The following RANBP9 variants were observed in gnomAD, a reference collection of about 807,000 sequenced individuals.
RANBP9 encodes ran-binding protein 9.
A neutral mutation model predicts 84.3 loss-of-function variants in RANBP9; 15 were observed. That is an observed-to-expected ratio of 0.18 (90% confidence interval 0.12 to 0.27). The LOEUF (loss-of-function observed/expected upper bound fraction) is 0.27, where lower values mean the gene tolerates loss of function less well. RANBP9 is among the 10% of genes least tolerant of loss of function. The pLI is 1.00. For missense variants in RANBP9, 809 were observed against 912.8 expected (o/e 0.89, Z 1.46); for synonymous variants, 392 against 349.6 (o/e 1.12, Z -1.35).
At chr6:13,683,234 T>C (rs1052032727) in intron 2 of RANBP9, among the ~76,000 whole-genome samples, 1 of 152,202 alleles carries the variant, frequency 6.6e-6, no homozygotes, top group Admixed American at 6.5e-5. Flanking sequence ...TTTCTCCTTA[T>C]CTTGGAATGT....
intron 2 of RANBP9, among the ~76,000 whole-genome samples, chr6:13,689,020 C>T (rs1056681760): frequency 4.5e-5 from 6 of 133,256 alleles, no homozygotes; most frequent in East Asian, 2.1e-4. Context: ...GGCATGGTGA[C>T]GCACACCCAT....
At chr6:13,629,282 A>G (rs1764710429) in intron 12 of RANBP9, among the ~76,000 whole-genome samples, 1 of 152,168 alleles carries the variant, frequency 6.6e-6, no homozygotes. Context: ...AGCCTCGTGT[A>G]GTTATTTAAA....
At chr6:13,710,569 C>T (rs1448895723) in intron 1 of RANBP9, among the ~76,000 whole-genome samples, 1 of 152,148 alleles carries the variant, frequency 6.6e-6, no homozygotes, top group Non-Finnish European at 1.5e-5. Context: ...AACAATGTAA[C>T]CCAACTCCGA....
At chr6:13,668,992 A>T (rs1201671355) in intron 2 of RANBP9, among the ~76,000 whole-genome samples, 1 of 152,078 alleles carries the variant, frequency 6.6e-6, no homozygotes, top group Admixed American at 6.6e-5. Flanking sequence ...ATCCTAAAGA[A>T]TCTCCTCCCC....
At chr6:13,634,394 AT>A in intron 11 of RANBP9, 36 bp downstream of exon 11, 1 of 1,600,860 alleles carries the variant, frequency 6.2e-7, no homozygotes, top group Non-Finnish European at 8.5e-7. Context: ...TGTAGCCATC[AT>A]TTTTTATTAA....
intron 2 of RANBP9, among the ~76,000 whole-genome samples, chr6:13,669,502 A>G (rs1481158018): frequency 6.6e-6 from 1 of 152,184 alleles, no homozygotes; most frequent in African/African-American, 2.4e-5. Flanking sequence ...TAACCAAGAG[A>G]ATGTGTTGCT....
intron 1 of RANBP9, among the ~76,000 whole-genome samples, chr6:13,710,619 C>T (rs1261121114): frequency 6.6e-6 from 1 of 152,208 alleles, no homozygotes; most frequent in African/African-American, 2.4e-5. Flanking sequence ...GATTTATCTC[C>T]CAGGGAAATC....
intron 2 of RANBP9, among the ~76,000 whole-genome samples, chr6:13,676,486 T>C (rs1765888258): frequency 6.6e-6 from 1 of 151,760 alleles, no homozygotes; most frequent in Admixed American, 6.6e-5. Flanking sequence ...CAAAACCAAA[T>C]AAAGACATTA....
intron 2 of RANBP9, among the ~76,000 whole-genome samples, chr6:13,684,641 T>G (rs1171980697): frequency 6.6e-6 from 1 of 152,208 alleles, no homozygotes; most frequent in African/African-American, 2.4e-5. Context: ...CTCTGATCAA[T>G]GAACATTTAC....
At chr6:13,657,086 C>A in intron 4 of RANBP9, 23 bp downstream of exon 4, 1 of 1,558,146 alleles carries the variant, frequency 6.4e-7, no homozygotes, top group Non-Finnish European at 8.7e-7. Context: ...GGTTATTTTG[C>A]ATGCAATATA....
intron 4 of RANBP9, among the ~76,000 whole-genome samples, chr6:13,655,430 G>A (rs1330490300): frequency 6.6e-6 from 1 of 152,086 alleles, no homozygotes; most frequent in Non-Finnish European, 1.5e-5. Flanking sequence ...TCACATCACT[G>A]TACTCCTGCC....
chr6:13,654,529 A>G (rs1210788841), intron 4 of RANBP9, among the ~76,000 whole-genome samples: 3 of 152,222 alleles, frequency 2.0e-5, no homozygotes, highest in Non-Finnish European at 4.4e-5. Flanking sequence ...TTATCCACTT[A>G]GGAAGTATAA....
chr6:13,630,534 T>A (rs1328782093), intron 12 of RANBP9, among the ~76,000 whole-genome samples: 1 of 143,330 alleles, frequency 7.0e-6, no homozygotes, highest in South Asian at 2.2e-4. Flanking sequence ...AAAAAAAAAA[T>A]TCTTTATTTC....
chr6:13,697,409 T>C (rs1346870570), intron 1 of RANBP9, among the ~76,000 whole-genome samples: 1 of 152,248 alleles, frequency 6.6e-6, no homozygotes, highest in Non-Finnish European at 1.5e-5. Context: ...TTTACAGTTT[T>C]GTTCTTTGGT....
intron 1 of RANBP9, among the ~76,000 whole-genome samples, chr6:13,708,596 T>C (rs1236841761): frequency 6.6e-6 from 1 of 152,228 alleles, no homozygotes; most frequent in Admixed American, 6.5e-5. Flanking sequence ...AATAGTAGTT[T>C]TTACTGTTAA....
chr6:13,634,751 G>A (rs1032520290), intron 10 of RANBP9, among the ~76,000 whole-genome samples, 199 bp from the exon 11 acceptor site: 7 of 152,070 alleles, frequency 4.6e-5, no homozygotes, highest in Non-Finnish European at 1.0e-4. Flanking sequence ...TTGTACCCCC[G>A]GAGGTAAGGG....
chr6:13,634,628 T>C (rs955919577), intron 10 of RANBP9, 76 bp from the exon 11 acceptor site: 5 of 1,281,370 alleles, frequency 3.9e-6, no homozygotes, highest in Non-Finnish European at 4.2e-6. Context: ...ACTACTGAAC[T>C]ACATAGCCTA....
At chr6:13,628,847 A>G (rs1201436814) in intron 12 of RANBP9, among the ~76,000 whole-genome samples, 3 of 152,226 alleles carry the variant, frequency 2.0e-5, no homozygotes, top group Admixed American at 1.3e-4. Flanking sequence ...TAGTAGTGCC[A>G]TTGGTACATT....
intron 11 of RANBP9, among the ~76,000 whole-genome samples, chr6:13,633,039 T>A (rs1414532221): frequency 6.8e-6 from 1 of 146,950 alleles, no homozygotes; most frequent in African/African-American, 2.5e-5. Flanking sequence ...AAAAAATAAT[T>A]TTTTTTTTTT....
Sources: gnomAD v4.1 joint callset for allele counts (sites outside exome capture counted in the v4.1 genomes callset) on GRCh38, gnomAD v4.1.1 for gene constraint, MANE v1.5 for transcripts, NCBI Gene and HGNC (gene_info 2026-07-23, HGNC 2026-07-21) for gene names.